The following CNTNAP2 variants were observed in gnomAD, a reference collection of about 807,000 sequenced individuals.
The protein encoded by CNTNAP2 is contactin-associated protein-like 2.
A neutral mutation model predicts 155.2 loss-of-function variants in CNTNAP2; 98 were observed. The observed-to-expected ratio is 0.63, with a 90% CI of 0.54 to 0.75. The LOEUF (loss-of-function observed/expected upper bound fraction) is 0.75. Among genes scored for constraint, CNTNAP2 ranks in the 30% least tolerant of loss-of-function variants. The pLI, the probability that CNTNAP2 is intolerant of heterozygous loss-of-function variation, is 0.00. For synonymous variants in CNTNAP2, 651 were observed against 631.2 expected (o/e 1.03, Z -0.47); for missense variants, 1,727 against 1,688.1 (o/e 1.02, Z -0.40).
chr7:146,252,908 A>G (rs1799778531), intron 1 of CNTNAP2, among the ~76,000 whole-genome samples: 1 of 152,144 alleles, frequency 6.6e-6, no homozygotes. Context: ...GAGAGCAACA[A>G]TTATAATGGC....
chr7:146,759,489 C>T (rs866650340), intron 1 of CNTNAP2, among the ~76,000 whole-genome samples: 1 of 151,788 alleles, frequency 6.6e-6, no homozygotes, highest in Non-Finnish European at 1.5e-5. Context: ...GGTCAGAGAT[C>T]AAGACCATCC....
chr7:146,591,617 A>G (rs1334027053), intron 1 of CNTNAP2, among the ~76,000 whole-genome samples: 1 of 152,164 alleles, frequency 6.6e-6, no homozygotes, highest in African/African-American at 2.4e-5. Flanking sequence ...CCCTGCATCC[A>G]TTGTCAACAT....
Position 146,317,154 on chromosome 7 carries a change from T to C in CNTNAP2, c.97+200181T>C, listed in dbSNP as rs11971782. On this transcript the variant is annotated intron_variant, in intron 1 of 23. Coordinates refer to ENST00000361727, the MANE Select transcript of CNTNAP2 (RefSeq NM_014141.6). ...TCTGATTATCATGTTTGAATTTCCTTTGATTATAATGTTCTTTATAAATGC... is the reference window on the plus strand; with the variant it reads ...TCTGATTATCATGTTTGAATTTCCTCTGATTATAATGTTCTTTATAAATGC... Among the ~76,000 whole-genome samples the C allele has an allele frequency of 1.1e-4, 17 of 152,336 alleles. 1 individual carries two copies. The East Asian group carries it at 3.3e-3, about 29-fold the overall frequency.
At chr7:146,195,914 T>G (rs1481823390) in intron 1 of CNTNAP2, among the ~76,000 whole-genome samples, 1 of 152,212 alleles carries the variant, frequency 6.6e-6, no homozygotes, top group Non-Finnish European at 1.5e-5. Flanking sequence ...CAAACTCCCT[T>G]CATGACCACT....
intron 1 of CNTNAP2, among the ~76,000 whole-genome samples, chr7:146,178,031 A>ATTTTTATT (rs1798494432): frequency 6.6e-6 from 1 of 151,542 alleles, no homozygotes. Context: ...CTTTATTTTT[A>ATTTTTATT]TTTTTATTTT....
In CNTNAP2 at chr7:148,282,129, G is replaced by A. The variant is rs556819693; in HGVS notation, c.3475+15003G>A. On this transcript the variant is annotated intron_variant, in intron 21 of 23. Coordinates refer to ENST00000361727, the MANE Select transcript of CNTNAP2 (RefSeq NM_014141.6). ...TAAGCCACCACACCCAGCCTTCAAC[G>A]ATATTTTCAATATAATATACTGTCA... 6.6e-5 allele frequency among the ~76,000 whole-genome samples: 10 copies of A among 152,114 alleles called. No individual in the cohort carries two copies. The East Asian group carries it at 1.5e-3, about 24-fold the overall frequency.
At chr7:147,733,391 G>T (rs369431984) in intron 13 of CNTNAP2, among the ~76,000 whole-genome samples, 1 of 152,062 alleles carries the variant, frequency 6.6e-6, no homozygotes, top group African/African-American at 2.4e-5. Context: ...CTCTGTTTTG[G>T]TACCAGTACC....
intron 14 of CNTNAP2, among the ~76,000 whole-genome samples, chr7:147,931,624 A>G (rs1438685910): frequency 6.6e-6 from 1 of 152,220 alleles, no homozygotes; most frequent in Non-Finnish European, 1.5e-5. Flanking sequence ...ATGTTTCAAC[A>G]TAAATAAATC....
chr7:147,599,896 T>C (rs1800911253), intron 12 of CNTNAP2, among the ~76,000 whole-genome samples: 1 of 152,220 alleles, frequency 6.6e-6, no homozygotes, highest in African/African-American at 2.4e-5. Context: ...TTGGGGATGA[T>C]ACTATTCAAT....
intron 1 of CNTNAP2, among the ~76,000 whole-genome samples, chr7:146,632,223 T>C (rs763665413): frequency 1.2e-4 from 18 of 152,300 alleles, no homozygotes; most frequent in African/African-American, 3.6e-4. Flanking sequence ...GTATTTTTCA[T>C]TGGTAAATTC....
chr7:148,048,043 C>G (rs1172547640), intron 15 of CNTNAP2, among the ~76,000 whole-genome samples: 2 of 152,108 alleles, frequency 1.3e-5, no homozygotes, highest in African/African-American at 4.8e-5. Flanking sequence ...CCTGCCTCAG[C>G]CTCCCCAGTA....
At chr7:146,451,332 G>T (rs374265598) in intron 1 of CNTNAP2, among the ~76,000 whole-genome samples, 1 of 152,150 alleles carries the variant, frequency 6.6e-6, no homozygotes, top group African/African-American at 2.4e-5. Context: ...CAATAACAGA[G>T]ATTTTAAGAG....
intron 3 of CNTNAP2, among the ~76,000 whole-genome samples, chr7:146,854,351 G>A (rs997464013): frequency 6.6e-6 from 1 of 152,194 alleles, no homozygotes; most frequent in African/African-American, 2.4e-5. Flanking sequence ...AATGCATCAA[G>A]CTGTATGTTT....
rs139315270 is a variant in CNTNAP2, at chr7:146,232,906, TCTTA to T, written c.97+115937_97+115940del. 5.8e-3 allele frequency among the ~76,000 whole-genome samples: 886 copies of T among 152,274 alleles called. 6 individuals carry two copies. The highest frequency in any genetic ancestry group is 0.024 in the Middle Eastern group (7 of 294). On this transcript the variant is annotated intron_variant, in intron 1 of 23. Coordinates refer to ENST00000361727, the MANE Select transcript of CNTNAP2 (RefSeq NM_014141.6). ...GTGAATATGGAAAGCAATGTCTTTT[TCTTA>T]CTTGGCCCTTAGGCTCCAGTTAAGG...
intron 13 of CNTNAP2, among the ~76,000 whole-genome samples, chr7:147,869,963 C>G (rs919873410): frequency 6.6e-6 from 1 of 152,016 alleles, no homozygotes; most frequent in Admixed American, 6.6e-5. Context: ...AAATATTTTG[C>G]TAAGGTTGAG....
At chr7:146,675,898 AG>A (rs1421400014) in intron 1 of CNTNAP2, among the ~76,000 whole-genome samples, 1 of 152,202 alleles carries the variant, frequency 6.6e-6, no homozygotes, top group Non-Finnish European at 1.5e-5. Context: ...ATTAGTAAGT[AG>A]AATTTCATAA....
intron 10 of CNTNAP2, among the ~76,000 whole-genome samples, chr7:147,476,341 A>G (rs890051628): frequency 4.0e-5 from 6 of 151,818 alleles, no homozygotes; most frequent in Non-Finnish European, 5.9e-5. Flanking sequence ...TGCTGACCTC[A>G]TGATCCGCCC....
At chr7:146,880,529 C>G (rs548298100) in intron 3 of CNTNAP2, among the ~76,000 whole-genome samples, 2 of 152,162 alleles carry the variant, frequency 1.3e-5, no homozygotes, top group African/African-American at 4.8e-5. Flanking sequence ...AAAGATCTTA[C>G]CTGAGTAGAA....
chr7:147,580,618 CA>C (rs1470988328), intron 12 of CNTNAP2, among the ~76,000 whole-genome samples: 7 of 93,240 alleles, frequency 7.5e-5, no homozygotes, highest in Admixed American at 1.3e-4. Context: ...TTTACATTAT[CA>C]TTTTTTTTTT....
Sources: allele counts gnomAD v4.1 joint callset (sites outside exome capture counted in the v4.1 genomes callset), GRCh38; gene constraint gnomAD v4.1.1; transcripts MANE v1.5; gene names NCBI Gene and HGNC (gene_info 2026-07-23, HGNC 2026-07-21).